The following SPATA16 variants were observed in gnomAD, a reference collection of about 807,000 sequenced individuals.
The protein encoded by SPATA16 is spermatogenesis associated 16, also known as spermatogenesis-associated protein 16.
A neutral mutation model predicts 63.3 loss-of-function variants in SPATA16; 36 were observed. That is an observed-to-expected ratio of 0.57 (90% CI 0.44 to 0.75). SPATA16 has a LOEUF of 0.75. SPATA16 is among the 30% of genes least tolerant of loss of function. The pLI is 0.00. For missense variants in SPATA16, 646 were observed against 679.3 expected (o/e 0.95, Z 0.54); for synonymous variants, 203 against 216.7 (o/e 0.94, Z 0.56).
At chr3:173,122,139 G>T (rs79132323) in intron 1 of SPATA16, among the ~76,000 whole-genome samples, 1 of 151,916 alleles carries the variant, frequency 6.6e-6, no homozygotes, top group African/African-American at 2.4e-5. Context: ...TTAAAAAATC[G>T]TTAGCAAATA....
rs139194595 is a variant in SPATA16 at position 173,135,464 on chromosome 3, A to G, written c.-19+5639T>C. Among the ~76,000 whole-genome samples the G allele has an allele frequency of 3.5e-3, 540 of 152,318 alleles. 3 individuals carry two copies. Among genetic ancestry groups the G allele is most frequent in the African/African-American group, 0.013 (523 of 41,558 alleles). Reference sequence around the variant, plus strand: ...TTTCCTATATACCCAGCAGAAATGCATACAAGAACGTTCACAGTAGCACTA... The same window carrying G: ...TTTCCTATATACCCAGCAGAAATGCGTACAAGAACGTTCACAGTAGCACTA... On this transcript the variant is annotated intron_variant, in intron 1 of 10. Transcript: ENST00000351008.
intron 5 of SPATA16, among the ~76,000 whole-genome samples, chr3:172,962,891 G>A (rs569891514): frequency 6.6e-6 from 1 of 152,080 alleles, no homozygotes; most frequent in South Asian, 2.1e-4. Flanking sequence ...TGTGAGCTAC[G>A]TTTTTCAAAT....
At chr3:172,948,886 T>C (rs779448477) in intron 6 of SPATA16, among the ~76,000 whole-genome samples, 15 of 152,230 alleles carry the variant, frequency 9.9e-5, no homozygotes, top group Non-Finnish European at 1.8e-4. Flanking sequence ...AACAAATTAT[T>C]GAGCAAAAGA....
At chr3:173,062,833 G>A (rs1228270437) in intron 2 of SPATA16, among the ~76,000 whole-genome samples, 1 of 152,130 alleles carries the variant, frequency 6.6e-6, no homozygotes, top group Non-Finnish European at 1.5e-5. Context: ...AGATTATCAG[G>A]CATTAGTTAG....
intron 3 of SPATA16, among the ~76,000 whole-genome samples, chr3:173,021,551 ATTAC>A (rs957778448): frequency 6.6e-5 from 10 of 152,228 alleles, no homozygotes; most frequent in South Asian, 2.1e-4. Flanking sequence ...AATATTTTTT[ATTAC>A]TTCAGAAAAA....
rs138314509 is a variant in SPATA16 at position 173,087,955 on chromosome 3, A to G, written c.612+29165T>C. ...ACCTTTCTTTCTGGTTGCCCTTAAT[A>G]TTTTTTTCTCCAATTTGACCTTGGA... On this transcript the variant is annotated intron_variant, in intron 2 of 10. Transcript: ENST00000351008. Among the ~76,000 whole-genome samples the G allele has an allele frequency of 1.9e-4, 28 of 148,874 alleles. 1 individual carries two copies. In the East Asian group the frequency reaches 5.4e-3, roughly 28 times the overall value.
intron 4 of SPATA16, among the ~76,000 whole-genome samples, chr3:173,016,084 C>T (rs1735180427): frequency 6.6e-6 from 1 of 152,156 alleles, no homozygotes; most frequent in Admixed American, 6.6e-5. Flanking sequence ...AATTTGTGGT[C>T]TGAAAATGTG....
intron 2 of SPATA16, among the ~76,000 whole-genome samples, chr3:173,057,095 ATTTTCTTTTC>A (rs1056853600): frequency 6.9e-6 from 1 of 145,642 alleles, no homozygotes; most frequent in Non-Finnish European, 1.5e-5. Flanking sequence ...CAACTATAGT[ATTTTCTTTTC>A]TTTTCTTTTC....
chr3:172,977,010 T>G lies in SPATA16; in HGVS notation c.891A>C (p.Gly297=). ...TGAGCTTGCTTATGCTCTCTTCCCT[T>G]CCTCCACCAAGCCAGAACATGTAGT... The part of the protein sequence containing the change: ...IADYMFWLGG[G]REESISKLIK... Residue 297 remains glycine (G), a synonymous_variant, in exon 5 of 11, where the codon GGA becomes GGC. Transcript: ENST00000351008. 1 of 1,611,594 alleles carries G rather than the reference T, an allele frequency of 6.2e-7. No homozygotes were observed.
At chr3:173,085,973 T>TTTTC (rs554031468) in intron 2 of SPATA16, among the ~76,000 whole-genome samples, 21 of 150,308 alleles carry the variant, frequency 1.4e-4, no homozygotes, top group South Asian at 6.3e-4. Flanking sequence ...GACCTTGAAA[T>TTTTC]TTTCTTTCTT....
chr3:173,001,275 T>TTTTTG (rs1202934215), intron 4 of SPATA16, among the ~76,000 whole-genome samples: 1 of 151,664 alleles, frequency 6.6e-6, no homozygotes, highest in Non-Finnish European at 1.5e-5. Flanking sequence ...GTTGTTTTTT[T>TTTTTG]TTTTTTGTTT....
In SPATA16 at chr3:172,925,330, G is replaced by C. The variant is rs1732703429; in HGVS notation, c.1228+16C>G. The C allele has an allele frequency of 6.2e-7, 1 of 1,613,540 alleles. No homozygotes were observed. The highest frequency in any genetic ancestry group is 8.5e-7 in the Non-Finnish European group (1 of 1,179,764). ...AGGCTACTATATGCTAGACCTTGTAGGTTCAGATGATTTACCTGTGAATAT... is the reference window on the plus strand; with the variant it reads ...AGGCTACTATATGCTAGACCTTGTACGTTCAGATGATTTACCTGTGAATAT... On this transcript the variant is annotated intron_variant, in intron 7 of 10. Coordinates refer to ENST00000351008, the MANE Select transcript of SPATA16 (RefSeq NM_031955.6).
intron 5 of SPATA16, among the ~76,000 whole-genome samples, chr3:172,958,400 C>T (rs1189426569): frequency 2.0e-5 from 3 of 152,142 alleles, no homozygotes; most frequent in African/African-American, 7.2e-5. Flanking sequence ...AATAATTCCT[C>T]CAGTTTGGTG....
intron 3 of SPATA16, among the ~76,000 whole-genome samples, chr3:173,048,167 A>G (rs1166163005): frequency 2.0e-5 from 3 of 152,166 alleles, no homozygotes; most frequent in Non-Finnish European, 2.9e-5. Flanking sequence ...GTGAGATGAG[A>G]AAATGAACAA....
At chr3:173,026,222 ATTTGTG>A (rs141643715) in intron 3 of SPATA16, among the ~76,000 whole-genome samples, 5,422 of 151,958 alleles carry the variant, frequency 0.036, 134 homozygotes, top group Non-Finnish European at 0.057. Flanking sequence ...ATTATTGGCC[ATTTGTG>A]TATATTCTTT....
At chr3:173,028,756 T>G (rs1348470854) in intron 3 of SPATA16, among the ~76,000 whole-genome samples, 1 of 152,002 alleles carries the variant, frequency 6.6e-6, no homozygotes, top group East Asian at 1.9e-4. Context: ...ATATAACACA[T>G]TGTTTTCAAA....
chr3:173,050,939 C>G (rs1400780518), intron 2 of SPATA16, among the ~76,000 whole-genome samples: 1 of 152,166 alleles, frequency 6.6e-6, no homozygotes. Context: ...TCAGAAGTGT[C>G]AGCGTGGCTG....
At chr3:173,056,474 G>A (rs545099751) in intron 2 of SPATA16, among the ~76,000 whole-genome samples, 4 of 152,024 alleles carry the variant, frequency 2.6e-5, no homozygotes, top group Admixed American at 6.5e-5. Context: ...AGGCCGAGGC[G>A]GGTGGATCGC....
rs1240083336 is a variant in SPATA16 at position 172,916,435 on chromosome 3, G to A, written c.1385C>T (p.Ala462Val). Residue 462 changes from alanine to valine, a missense_variant, in exon 9 of 11, where the codon GCC (alanine) becomes GTC (valine). Coordinates refer to ENST00000351008, the MANE Select transcript of SPATA16 (RefSeq NM_031955.6). ...SSGVMEKLQY[A>V]SLLSQLQRVK... ...TCTCTGCAGCTGGCTGAGGAGGCTG[G>A]CATATTGCAACTTCTCCATCACACC... The A allele has an allele frequency of 2.5e-6, 4 of 1,613,616 alleles. No homozygotes were observed. The highest frequency in any genetic ancestry group is 3.3e-5 in the Admixed American group (2 of 59,980).
Sources: allele counts gnomAD v4.1 joint callset (sites outside exome capture counted in the v4.1 genomes callset), GRCh38; gene constraint gnomAD v4.1.1; transcripts MANE v1.5; gene names NCBI Gene and HGNC (gene_info 2026-07-23, HGNC 2026-07-21).